Variants in MGAM observed in about 807,000 individuals in gnomAD.
The protein encoded by MGAM is alpha-1,4-glucosidase.
Under a neutral mutation model 358.8 loss-of-function variants are expected in MGAM, and 253 were observed. The observed-to-expected ratio is 0.71, with a 90% CI of 0.64 to 0.78. The LOEUF is 0.78. Ranked by LOEUF, MGAM falls within the 30% of genes least tolerant of loss-of-function variation. The pLI is 0.00. For synonymous variants in MGAM, 1,105 were observed against 1,227.1 expected, an observed-to-expected ratio of 0.90 and a Z score of 2.08; for missense variants, 3,080 against 3,432.6, an observed-to-expected ratio of 0.90 and a Z score of 2.57.
upstream of MGAM, among the ~76,000 whole-genome samples, chr7:141,995,301 G>T (rs1392419379): frequency 6.6e-6 from 1 of 151,492 alleles, no homozygotes; most frequent in African/African-American, 2.4e-5. Flanking sequence ...TTAGAAGCAA[G>T]ATGGAGTCAG....
At position 142,022,375 on chromosome 7, in the gene MGAM, A is replaced by T; in HGVS notation, c.818A>T (p.Gln273Leu). Residue 273 changes from glutamine (Q) to leucine (L), a missense_variant, in exon 7 of 71, where the codon CAG (glutamine) becomes CTG (leucine). Physicochemically the swap from Gln to Leu is moderately radical, Grantham distance 113. Around this residue, in one of 5 missense-constraint regions of MGAM, gnomAD observed 1,816 missense variants for 1,840.5 expected, o/e 0.99. Coordinates refer to ENST00000475668, the MANE Select transcript of MGAM (RefSeq NM_001365693.1). ...VYGLGEHVHQ[Q>L]YRHDMNWKTW... is the part of the protein sequence containing the mutation. ...GGCCTGGGAGAGCATGTGCACCAGCAGTATCGGCATGATATGAATTGGAAG... is the reference window on the plus strand; with the variant it reads ...GGCCTGGGAGAGCATGTGCACCAGCTGTATCGGCATGATATGAATTGGAAG... The T allele has an allele frequency of 6.2e-7, 1 of 1,613,792 alleles. No individual in the cohort carries two copies. The highest frequency in any genetic ancestry group is 8.5e-7 in the Non-Finnish European group (1 of 1,179,730).
At chr7:142,041,979 T>TAC (rs1808758431) in intron 21 of MGAM, among the ~76,000 whole-genome samples, 3 of 14,392 alleles carry the variant, frequency 2.1e-4, no homozygotes, top group East Asian at 1.8e-3. Context: ...ATTATATATA[T>TAC]ATAATATAAT....
upstream of MGAM, among the ~76,000 whole-genome samples, chr7:141,995,122 G>C (rs1472613875): frequency 1.3e-5 from 2 of 152,068 alleles, no homozygotes; most frequent in Non-Finnish European, 2.9e-5. Context: ...CTTGCCTTAT[G>C]AATGCGCCTT....
At chr7:142,079,292 A>G (rs550524073) in intron 49 of MGAM, among the ~76,000 whole-genome samples, 1 of 145,690 alleles carries the variant, frequency 6.9e-6, no homozygotes, top group South Asian at 2.2e-4. Context: ...GTGAGGGCTT[A>G]GGTTTGGACT....
chr7:141,994,377 A>G (rs1250037277), upstream of MGAM, among the ~76,000 whole-genome samples: 2 of 152,140 alleles, frequency 1.3e-5, no homozygotes, highest in African/African-American at 2.4e-5. Flanking sequence ...AGGTTTGTAA[A>G]GGGTACTTTG....
At chr7:142,003,858 C>G (rs1342966136) in intron 1 of MGAM, among the ~76,000 whole-genome samples, 1 of 151,696 alleles carries the variant, frequency 6.6e-6, no homozygotes, top group Non-Finnish European at 1.5e-5. Flanking sequence ...AAACACATAA[C>G]CCCATTAAAA....
At chr7:141,986,963 G>T (rs1554446333) in intron 2 of MGAM, among the ~76,000 whole-genome samples, 1 of 152,308 alleles carries the variant, frequency 6.6e-6, no homozygotes, top group Admixed American at 6.5e-5. Context: ...CCAGAAAAAT[G>T]CAGATAACAG....
chr7:141,993,244 A>G (rs529310535), upstream of MGAM, among the ~76,000 whole-genome samples: 1 of 152,262 alleles, frequency 6.6e-6, no homozygotes, highest in Non-Finnish European at 1.5e-5. Flanking sequence ...GCCTAGAAAT[A>G]GCAGTAGCTG....
intron 9 of MGAM, 138 bp from the exon 10 acceptor site, chr7:142,027,472 A>C (rs1325643461): frequency 1.9e-6 from 2 of 1,054,968 alleles, no homozygotes; most frequent in African/African-American, 3.2e-5. Context: ...GGGGCTGGAA[A>C]AATAGACTAA....
At position 142,022,375 on chromosome 7, in the gene MGAM, A is replaced by G; in HGVS notation, c.818A>G (p.Gln273Arg). 6.2e-7 allele frequency: 1 copy of G among 1,613,792 alleles called. No individual in the cohort carries two copies. The highest frequency in any genetic ancestry group is 1.1e-5 in the South Asian group (1 of 91,076). The stretch of plus-strand genomic sequence containing the variant: ...GGCCTGGGAGAGCATGTGCACCAGC[A>G]GTATCGGCATGATATGAATTGGAAG... The part of the protein sequence containing the change: ...VYGLGEHVHQ[Q>R]YRHDMNWKTW... Residue 273 changes from glutamine to arginine, a missense_variant, in exon 7 of 71, where the codon CAG becomes CGG. Coordinates refer to ENST00000475668, the MANE Select transcript of MGAM (RefSeq NM_001365693.1).
rs928899719 is a variant in MGAM at position 142,041,842 on chromosome 7, T to G, written c.2498+996T>G. On this transcript the variant is annotated intron_variant, in intron 21 of 70. Transcript: ENST00000475668. ...CTTCCAGCAGAGGAAGCACTGCCAC[T>G]TTCAAGTTTCTGGTCATTTTATATA... Among the ~76,000 whole-genome samples the G allele has an allele frequency of 1.4e-4, 18 of 129,870 alleles. No individual in the cohort carries two copies. In the East Asian group the frequency reaches 2.3e-3, roughly 17 times the overall value. 85.2% of individuals were successfully genotyped at this position (129,870 alleles called of 152,430 possible).
At chr7:142,015,562 A>G (rs1470470652) in intron 3 of MGAM, among the ~76,000 whole-genome samples, 3 of 152,072 alleles carry the variant, frequency 2.0e-5, no homozygotes, top group African/African-American at 7.2e-5. Context: ...TATTTTTTCT[A>G]TAAATTTTCT....
chr7:142,094,801 C>A lies in MGAM; in HGVS notation c.7396C>A (p.Arg2466Ser). ...FQDAEYEMCV[R>S]WMQLGAFYPF... ...AGATGCTGAATATGAGATGTGTGTT[C>A]GCTGGATGCAGCTGGGGGCCTTTTA... Residue 2466 changes from arginine to serine, a missense_variant, in exon 63 of 71, where the codon CGC becomes AGC. Around this residue, in one of 5 missense-constraint regions of MGAM, gnomAD observed 932 missense variants for 1,198.2 expected, o/e 0.78. Coordinates refer to ENST00000475668, the MANE Select transcript of MGAM (RefSeq NM_001365693.1). 1 of 1,613,830 alleles carries A rather than the reference C, an allele frequency of 6.2e-7. No individual in the cohort carries two copies. Among genetic ancestry groups the A allele is most frequent in the Non-Finnish European group, 8.5e-7 (1 of 1,179,862 alleles).
At position 142,039,400 on chromosome 7, in the gene MGAM, C is replaced by T. The variant is rs967085840; in HGVS notation, c.2317-715C>T. Among the ~76,000 whole-genome samples the T allele has an allele frequency of 1.1e-4, 17 of 151,928 alleles. No homozygotes were observed. In the East Asian group the frequency reaches 2.7e-3, roughly 24 times the overall value. ...ACAGGTGTGAGTCACCGCGCTTGGCCGCCACACACTTTTAAACAACCAAAT... is the reference window on the plus strand; with the variant it reads ...ACAGGTGTGAGTCACCGCGCTTGGCTGCCACACACTTTTAAACAACCAAAT... On this transcript the variant is annotated intron_variant, in intron 19 of 70. Transcript: ENST00000475668.
intron 2 of MGAM, among the ~76,000 whole-genome samples, chr7:141,987,564 A>C (rs187142271): frequency 6.6e-6 from 1 of 152,088 alleles, no homozygotes; most frequent in East Asian, 1.9e-4. Context: ...CCCACACAGA[A>C]GTGGACCATG....
Position 142,088,815 on chromosome 7 carries a change from TATGTACC to T in MGAM, c.6810+2101_6810+2107del, listed in dbSNP as rs1456610519. ...TATCTATCTATCATTCTATCCTATC[TATGTACC>T]ATCTATCTATCTATCTATCTATCTA... On this transcript the variant is annotated intron_variant, in intron 57 of 70. Transcript: ENST00000475668. Among the ~76,000 whole-genome samples, 269 of 109,518 alleles carry T rather than the reference TATGTACC, an allele frequency of 2.5e-3. 21 individuals carry two copies. Among genetic ancestry groups the T allele is most frequent in the East Asian group, 0.018 (67 of 3,672 alleles). 71.8% of individuals were successfully genotyped at this position (109,518 alleles called of 152,430 possible). A position where few individuals can be genotyped will look rare whatever the true frequency, so the allele number is the denominator to read the frequency against.
intron 3 of MGAM, among the ~76,000 whole-genome samples, chr7:142,011,082 C>T (rs1554454227): frequency 6.6e-6 from 1 of 152,032 alleles, no homozygotes; most frequent in East Asian, 1.9e-4. Context: ...AAGATAAACC[C>T]GCATGCCCTA....
intron 7 of MGAM, 60 bp downstream of exon 7, chr7:142,022,499 C>A: frequency 1.3e-6 from 2 of 1,533,486 alleles, no homozygotes; most frequent in South Asian, 1.2e-5. Flanking sequence ...TAAAGGTCAC[C>A]TCTAGTATTA....
In MGAM at chr7:142,076,489, G is replaced by C. The variant is rs1813749399; in HGVS notation, c.5326-170G>C. The C allele has an allele frequency of 6.9e-6, 6 of 867,234 alleles. No individual in the cohort carries two copies. The East Asian group carries it at 1.5e-4, about 21-fold the overall frequency. 53.7% of individuals were successfully genotyped at this position (867,234 alleles called of 1,614,324 possible). A position where few individuals can be genotyped will look rare whatever the true frequency, so the allele number is the denominator to read the frequency against. On this transcript the variant is annotated intron_variant, in intron 46 of 70. Coordinates refer to ENST00000475668, the MANE Select transcript of MGAM (RefSeq NM_001365693.1). ...GTGTTTTTATGATTGTATCAAATTAGAGGATTATCAAACTAATGTTGTACT... is the reference window on the plus strand; with the variant it reads ...GTGTTTTTATGATTGTATCAAATTACAGGATTATCAAACTAATGTTGTACT...
Sources: gnomAD v4.1 joint callset for allele counts (sites outside exome capture counted in the v4.1 genomes callset) on GRCh38, gnomAD v4.1.1 for gene constraint, gnomAD v4.1.1 regional missense constraint, MANE v1.5 for transcripts, NCBI Gene and HGNC (gene_info 2026-07-23, HGNC 2026-07-21) for gene names.